GALNTL6: variants seen among roughly 807,000 people sequenced by gnomAD.
The protein encoded by GALNTL6 is polypeptide N-acetylgalactosaminyltransferase like 6.
In GALNTL6, 46 loss-of-function variants were observed where a neutral mutation model predicts 73.7. The observed-to-expected ratio is 0.62, with a 90% CI of 0.49 to 0.80. The LOEUF (loss-of-function observed/expected upper bound fraction) is 0.80, where lower values mean the gene tolerates loss of function less well. GALNTL6 is among the 30% of genes least tolerant of loss of function. GALNTL6 has a pLI of 0.00. For synonymous variants in GALNTL6, 259 were observed against 263.7 expected, an observed-to-expected ratio of 0.98 and a Z score of 0.17; for missense variants, 604 against 755.0, an observed-to-expected ratio of 0.80 and a Z score of 2.34.
intron 6 of GALNTL6, 64 bp from the exon 7 acceptor site, chr4:172,813,476 G>C (rs1741426382): frequency 7.1e-7 from 1 of 1,411,464 alleles, no homozygotes. Context: ...GCTTCTCTTT[G>C]CTGAAAAATG....
chr4:172,615,763 G>A (rs1032357029), intron 5 of GALNTL6, among the ~76,000 whole-genome samples: 1 of 152,022 alleles, frequency 6.6e-6, no homozygotes, highest in African/African-American at 2.4e-5. Context: ...AAATTGCAAA[G>A]CTATTTAGCC....
At position 172,588,223 on chromosome 4, in the gene GALNTL6, G is replaced by A. The variant is rs141482892; in HGVS notation, c.554-221138G>A. On this transcript the variant is annotated intron_variant, in intron 5 of 12. Transcript: ENST00000506823. The stretch of plus-strand genomic sequence containing the variant: ...TATGTGTATTGTAGTTTTTACCATG[G>A]GTCTTAAATTATAGCACACTTTTAC... Among the ~76,000 whole-genome samples the A allele has an allele frequency of 7.6e-3, 1,158 of 152,052 alleles. 15 individuals are homozygous for A. Among genetic ancestry groups the A allele is most frequent in the African/African-American group, 0.027 (1,109 of 41,488 alleles).
intron 5 of GALNTL6, among the ~76,000 whole-genome samples, chr4:172,698,762 A>G (rs1733843188): frequency 6.6e-6 from 1 of 152,120 alleles, no homozygotes; most frequent in Non-Finnish European, 1.5e-5. Flanking sequence ...CCTCCCCACT[A>G]AAAGCAAAGA....
chr4:172,349,805 G>A (rs570812844), intron 5 of GALNTL6, among the ~76,000 whole-genome samples: 20 of 149,110 alleles, frequency 1.3e-4, no homozygotes, highest in African/African-American at 4.2e-4. Context: ...GTGACAGAGC[G>A]AGACTTCGTC....
At chr4:171,962,713 G>C (rs1008500677) in intron 2 of GALNTL6, among the ~76,000 whole-genome samples, 14 of 150,634 alleles carry the variant, frequency 9.3e-5, no homozygotes, top group Admixed American at 1.3e-4. Flanking sequence ...GCTGCATTGC[G>C]TATGGAGTAG....
chr4:172,038,602 T>C (rs1350664062), intron 2 of GALNTL6, among the ~76,000 whole-genome samples: 1 of 152,192 alleles, frequency 6.6e-6, no homozygotes, highest in Non-Finnish European at 1.5e-5. Flanking sequence ...CATTAAATAA[T>C]AGATATGCAT....
chr4:172,649,066 TA>T (rs1740366312), intron 5 of GALNTL6, among the ~76,000 whole-genome samples: 1 of 152,176 alleles, frequency 6.6e-6, no homozygotes, highest in South Asian at 2.1e-4. Context: ...GCATCCAAAC[TA>T]AGTTTATTTT....
chr4:172,618,690 C>G (rs979452265), intron 5 of GALNTL6, among the ~76,000 whole-genome samples: 2 of 152,052 alleles, frequency 1.3e-5, no homozygotes, highest in African/African-American at 4.8e-5. Flanking sequence ...TTTATTCTCT[C>G]TCATGATTTA....
At chr4:172,613,070 A>G (rs189542695) in intron 5 of GALNTL6, among the ~76,000 whole-genome samples, 42 of 152,212 alleles carry the variant, frequency 2.8e-4, no homozygotes, top group African/African-American at 8.4e-4. Flanking sequence ...CAGCTTCCAC[A>G]TGTACCAGGC....
chr4:172,549,531 A>G (rs1292612491), intron 5 of GALNTL6, among the ~76,000 whole-genome samples: 1 of 152,132 alleles, frequency 6.6e-6, no homozygotes, highest in African/African-American at 2.4e-5. Flanking sequence ...AATTTAATGT[A>G]GAATCTAATT....
intron 3 of GALNTL6, among the ~76,000 whole-genome samples, chr4:172,301,033 T>C (rs750659627): frequency 4.6e-5 from 7 of 152,214 alleles, no homozygotes; most frequent in Non-Finnish European, 1.0e-4. Flanking sequence ...TCTTTTCACA[T>C]AGTCCCATAT....
Position 171,814,579 on chromosome 4 carries a change from C to T in GALNTL6, c.-2C>T, listed in dbSNP as rs1235755293. ...AACTTTTCTTCTCTGTTACCATTTG[C>T]AATGAAGAGGAAACAGAAGAGATTT... On this transcript the variant is annotated 5_prime_UTR_variant, in exon 2 of 13. Transcript: ENST00000506823. The T allele has an allele frequency of 3.7e-6, 6 of 1,613,782 alleles. No individual in the cohort carries two copies. The highest frequency in any genetic ancestry group is 4.2e-6 in the Non-Finnish European group (5 of 1,179,860).
At chr4:172,632,093 G>C (rs1278535494) in intron 5 of GALNTL6, among the ~76,000 whole-genome samples, 2 of 152,200 alleles carry the variant, frequency 1.3e-5, no homozygotes, top group African/African-American at 4.8e-5. Context: ...GGCCTCCCCA[G>C]CTATGTGGAA....
chr4:172,529,001 A>ATG, intron 5 of GALNTL6, among the ~76,000 whole-genome samples: 1 of 18,568 alleles, frequency 5.4e-5, no homozygotes, highest in African/African-American at 9.6e-5. Context: ...GTATATATAT[A>ATG]TATATACACA....
chr4:172,756,262 G>C (rs1344741659), intron 5 of GALNTL6, among the ~76,000 whole-genome samples: 4 of 152,224 alleles, frequency 2.6e-5, no homozygotes, highest in African/African-American at 9.6e-5. Flanking sequence ...GTAGGTTTTA[G>C]TTGTTGAACC....
intron 5 of GALNTL6, among the ~76,000 whole-genome samples, chr4:172,482,169 C>T (rs1733510577): frequency 6.6e-6 from 1 of 152,164 alleles, no homozygotes; most frequent in African/African-American, 2.4e-5. Flanking sequence ...ACTCAGAGGG[C>T]AGGACCTGCC....
At chr4:172,618,917 T>A (rs904470641) in intron 5 of GALNTL6, among the ~76,000 whole-genome samples, 4 of 152,058 alleles carry the variant, frequency 2.6e-5, no homozygotes, top group Non-Finnish European at 5.9e-5. Flanking sequence ...AAAGACGGGG[T>A]TTCACCATGT....
At position 172,882,898 on chromosome 4, in the gene GALNTL6, C is replaced by A; in HGVS notation, c.1032C>A (p.Ile344=). The A allele has an allele frequency of 6.4e-7, 1 of 1,571,318 alleles. No individual in the cohort carries two copies. Among genetic ancestry groups the A allele is most frequent in the Non-Finnish European group, 8.8e-7 (1 of 1,141,712 alleles). Residue 344 remains isoleucine, a synonymous_variant, in exon 8 of 13, where the codon ATC becomes ATA. Transcript: ENST00000506823. The part of the protein sequence containing the change: ...LEIWGGEQYE[I]SFKVWMCGGE... The stretch of plus-strand genomic sequence containing the variant: ...TCTGGGGAGGAGAACAGTATGAAAT[C>A]TCTTTTAAGGTAAGCCCCAAGACCC...
chr4:171,829,165 A>T (rs954555948), intron 2 of GALNTL6, among the ~76,000 whole-genome samples: 10 of 152,102 alleles, frequency 6.6e-5, no homozygotes, highest in Admixed American at 1.3e-4. Flanking sequence ...AAACTGTACT[A>T]GCAGTGCTTC....
Sources: allele counts gnomAD v4.1 joint callset (sites outside exome capture counted in the v4.1 genomes callset), GRCh38; gene constraint gnomAD v4.1.1; transcripts MANE v1.5; gene names NCBI Gene and HGNC (gene_info 2026-07-23, HGNC 2026-07-21).